MORN2: variants seen among roughly 807,000 people sequenced by gnomAD.
MORN2 encodes MORN repeat-containing protein 2.
MORN2 carries 15 observed loss-of-function variants against 13.4 expected under a neutral mutation model. The ratio of observed to expected loss-of-function variants is 1.12; its 90% confidence interval spans 0.75 to 1.72. The LOEUF is 1.72. Among genes scored for constraint, MORN2 ranks in the 40% most tolerant of loss-of-function variants. The probability of loss-of-function intolerance (pLI) is 0.00; values close to 1 mark genes in which losing one functional copy is unlikely to be tolerated. For synonymous variants in MORN2, 46 were observed against 43.6 expected (o/e 1.06, Z -0.22); for missense variants, 168 against 134.6 (o/e 1.25, Z -1.23).
chr2:38,877,532 T>G (rs1665674711), intron 1 of MORN2, among the ~76,000 whole-genome samples: 1 of 152,086 alleles, frequency 6.6e-6, no homozygotes, highest in African/African-American at 2.4e-5. Flanking sequence ...AATTAGTGTC[T>G]ATATTTAACC....
chr2:38,879,873 T>G (rs1293184070), intron 1 of MORN2, among the ~76,000 whole-genome samples: 1 of 152,234 alleles, frequency 6.6e-6, no homozygotes, highest in Non-Finnish European at 1.5e-5. Flanking sequence ...GCAAAATTGT[T>G]TATTTCCCCG....
chr2:38,882,055 T>C (rs889345033), intron 4 of MORN2, among the ~76,000 whole-genome samples: 2 of 152,218 alleles, frequency 1.3e-5, no homozygotes, highest in African/African-American at 4.8e-5. Flanking sequence ...ACATCATTGA[T>C]AGTGAAAAAA....
chr2:38,880,705 A>G lies in MORN2; in HGVS notation c.215A>G (p.Lys72Arg). 6.5e-7 allele frequency: 1 copy of G among 1,550,128 alleles called. No homozygotes were observed. Among genetic ancestry groups the G allele is most frequent in the Non-Finnish European group, 8.7e-7 (1 of 1,146,786 alleles). ...TACACAGGAAGCTGGAAAGATGACA[A>G]GGTATTATTGTTGTTTTTAATATTG... Residue 72 changes from lysine to arginine, a missense_variant and splice_region_variant, in exon 3 of 5, where the codon AAG (lysine) becomes AGG (arginine). Coordinates refer to ENST00000644631, the MANE Select transcript of MORN2 (RefSeq NM_001145450.3).
intron 4 of MORN2, 71 bp downstream of exon 4, chr2:38,881,649 T>TA: frequency 1.0e-6 from 1 of 1,004,940 alleles, no homozygotes; most frequent in Non-Finnish European, 1.4e-6. Context: ...CTTAAATACT[T>TA]ATTTATTTAT....
chr2:38,876,839 C>A (rs1050494231), intron 1 of MORN2, among the ~76,000 whole-genome samples: 1 of 152,188 alleles, frequency 6.6e-6, no homozygotes, highest in Non-Finnish European at 1.5e-5. Flanking sequence ...ACTAGATTAG[C>A]TCATTTACTT....
At chr2:38,877,098 G>C (rs1348792207) in intron 1 of MORN2, among the ~76,000 whole-genome samples, 1 of 152,090 alleles carries the variant, frequency 6.6e-6, no homozygotes, top group Non-Finnish European at 1.5e-5. Flanking sequence ...TGGTAATCTA[G>C]TTAGTTATCA....
chr2:38,879,031 T>A (rs1363456942), intron 1 of MORN2, among the ~76,000 whole-genome samples: 2 of 152,204 alleles, frequency 1.3e-5, no homozygotes, highest in Non-Finnish European at 2.9e-5. Context: ...GTCCAGTAAG[T>A]GTCCAGGGAT....
At chr2:38,880,332 A>C (rs1405475226) in intron 2 of MORN2, 103 bp downstream of exon 2, 1 of 399,088 alleles carries the variant, frequency 2.5e-6, no homozygotes, top group Non-Finnish European at 4.4e-6. Context: ...TAGGATATTA[A>C]CTTTATTAAC....
intron 1 of MORN2, among the ~76,000 whole-genome samples, chr2:38,878,510 C>T (rs1380519903): frequency 1.3e-5 from 2 of 152,040 alleles, no homozygotes; most frequent in East Asian, 3.9e-4. Context: ...ATTCTTTGTG[C>T]TACTTTCTTT....
At position 38,880,663 on chromosome 2, in the gene MORN2, C is replaced by T. The variant is rs773768446; in HGVS notation, c.173C>T (p.Thr58Ile). The T allele has an allele frequency of 2.6e-6, 4 of 1,549,874 alleles. No homozygotes were observed. The African/African-American group carries it at 4.1e-5, about 16-fold the overall frequency. ...AGAAATGGAATAGGTATTCATACCA[C>T]TCCTAATGGGATTGTCTACACAGGA... The change falls in exon 3 of 5, where the codon ACT becomes ATT. Residue 58 changes from threonine (T) to isoleucine (I), a missense_variant. Physicochemically the swap from Thr to Ile is moderately conservative, Grantham distance 89. Coordinates refer to ENST00000644631, the MANE Select transcript of MORN2 (RefSeq NM_001145450.3).
At chr2:38,881,670 A>C in intron 4 of MORN2, 92 bp downstream of exon 4, 1 of 1,042,920 alleles carries the variant, frequency 9.6e-7, no homozygotes, top group Non-Finnish European at 1.3e-6. Flanking sequence ...TTATTTATTG[A>C]GACAGAGTCT....
intron 4 of MORN2, among the ~76,000 whole-genome samples, chr2:38,882,047 A>T (rs1572729897): frequency 6.6e-6 from 1 of 152,256 alleles, no homozygotes; most frequent in East Asian, 1.9e-4. Flanking sequence ...CACCTCAAAC[A>T]TCATTGATAG....
intron 4 of MORN2, 26 bp from the exon 5 acceptor site, chr2:38,882,387 G>A (rs766519827): frequency 2.1e-6 from 3 of 1,448,352 alleles, no homozygotes; most frequent in South Asian, 2.5e-5. Context: ...CTTTGTTAAT[G>A]GAAAACTTAT....
In MORN2 at chr2:38,882,523, GTTAAA is replaced by G. The variant is rs1440434252; in HGVS notation, c.*14_*18del. Reference sequence around the variant, plus strand: ...TTAAAGCTTCACATGTAGATGTGATGTTAAATTAAAGTTGAAATGTAGTAATTGAA... The same window carrying G: ...TTAAAGCTTCACATGTAGATGTGATGTTAAAGTTGAAATGTAGTAATTGAA... On this transcript the variant is annotated 3_prime_UTR_variant, in exon 5 of 5. Transcript: ENST00000644631. The G allele has an allele frequency of 5.2e-6, 8 of 1,538,870 alleles. No homozygotes were observed. The East Asian group carries it at 1.5e-4, about 28-fold the overall frequency.
At chr2:38,878,517 CT>C (rs920325564) in intron 1 of MORN2, among the ~76,000 whole-genome samples, 19 of 151,132 alleles carry the variant, frequency 1.3e-4, no homozygotes, top group African/African-American at 4.4e-4. Context: ...GTGCTACTTT[CT>C]TTTTTTTTAA....
chr2:38,879,522 G>A (rs898939174), intron 1 of MORN2, among the ~76,000 whole-genome samples: 19 of 151,982 alleles, frequency 1.3e-4, no homozygotes, highest in African/African-American at 4.6e-4. Flanking sequence ...TAAGTGAAAC[G>A]AGCCAGACAT....
intron 2 of MORN2, 76 bp from the exon 3 acceptor site, chr2:38,880,524 C>A: frequency 1.1e-6 from 1 of 878,992 alleles, no homozygotes; most frequent in Non-Finnish European, 1.6e-6. Flanking sequence ...CCAAAGAAAC[C>A]CATGAGGTGT....
intron 1 of MORN2, among the ~76,000 whole-genome samples, chr2:38,878,056 G>C (rs1665696822): frequency 6.6e-6 from 1 of 151,942 alleles, no homozygotes; most frequent in African/African-American, 2.4e-5. Context: ...TCAGCCTCCC[G>C]AAGTGCTGGG....
intron 1 of MORN2, 89 bp from the exon 2 acceptor site, chr2:38,880,090 T>C: frequency 2.6e-6 from 1 of 388,948 alleles, no homozygotes; most frequent in Non-Finnish European, 4.6e-6. Flanking sequence ...GCCCAGGAGT[T>C]TGAGACTGGC....
Sources: gnomAD v4.1 joint callset for allele counts (sites outside exome capture counted in the v4.1 genomes callset) on GRCh38, gnomAD v4.1.1 for gene constraint, MANE v1.5 for transcripts, NCBI Gene and HGNC (gene_info 2026-07-23, HGNC 2026-07-21) for gene names.